Variants in LIN52 observed in about 807,000 individuals in gnomAD.
The protein encoded by LIN52 is lin-52 DREAM MuvB core complex component, also known as protein lin-52 homolog.
A neutral mutation model predicts 18.5 loss-of-function variants in LIN52; 4 were observed. The observed-to-expected ratio is 0.22, with a 90% CI of 0.11 to 0.49. LIN52 has a LOEUF of 0.49. Among genes scored for constraint, LIN52 ranks in the 20% least tolerant of loss-of-function variants. LIN52 has a pLI of 0.97. For missense variants in LIN52, 102 were observed against 139.5 expected (o/e 0.73, Z 1.35); for synonymous variants, 34 against 45.5 (o/e 0.75, Z 1.02).
At chr14:74,091,773 CAAAAAAAA>C (rs573705378) in intron 2 of LIN52, among the ~76,000 whole-genome samples, 2 of 65,304 alleles carry the variant, frequency 3.1e-5, no homozygotes, top group Admixed American at 1.9e-4. Context: ...GACTCTGTCT[CAAAAAAAA>C]AAAAAAAAAA....
intron 2 of LIN52, among the ~76,000 whole-genome samples, chr14:74,091,898 GT>G (rs2060774633): frequency 6.6e-6 from 1 of 151,950 alleles, no homozygotes; most frequent in African/African-American, 2.4e-5. Flanking sequence ...TTGAAGTCCA[GT>G]GTTAAGAATA....
chr14:74,130,278 GTTT>G (rs71460958), intron 5 of LIN52, among the ~76,000 whole-genome samples: 1 of 64,840 alleles, frequency 1.5e-5, no homozygotes, highest in Non-Finnish European at 2.8e-5. Flanking sequence ...GCATTTTTTG[GTTT>G]TTTTTTTTTT....
chr14:74,102,543 G>T (rs2060865421), intron 5 of LIN52, among the ~76,000 whole-genome samples: 1 of 152,196 alleles, frequency 6.6e-6, no homozygotes, highest in Non-Finnish European at 1.5e-5. Context: ...TACCATGTAT[G>T]TCATGGACCT....
intron 5 of LIN52, among the ~76,000 whole-genome samples, chr14:74,174,216 G>A (rs1408424702): frequency 6.6e-6 from 1 of 152,106 alleles, no homozygotes; most frequent in Non-Finnish European, 1.5e-5. Context: ...CTTAACTCTG[G>A]GGATATGTTC....
chr14:74,125,154 G>T (rs2061021556), intron 5 of LIN52, among the ~76,000 whole-genome samples: 1 of 152,098 alleles, frequency 6.6e-6, no homozygotes. Context: ...TGGGTCAAAT[G>T]GTATTTCTAG....
chr14:74,131,856 G>A (rs899214068), intron 5 of LIN52, among the ~76,000 whole-genome samples: 1 of 152,184 alleles, frequency 6.6e-6, no homozygotes, highest in African/African-American at 2.4e-5. Context: ...GGGCCAACTA[G>A]TAATTTAGTG....
chr14:74,197,939 C>T (rs2139600996), intron 5 of LIN52, among the ~76,000 whole-genome samples: 1 of 152,312 alleles, frequency 6.6e-6, no homozygotes, highest in Non-Finnish European at 1.5e-5. Context: ...GCCTCCCTAG[C>T]CACCTCACTT....
chr14:74,103,174 G>A (rs925572151), intron 5 of LIN52, among the ~76,000 whole-genome samples: 4 of 152,114 alleles, frequency 2.6e-5, no homozygotes, highest in Non-Finnish European at 5.9e-5. Flanking sequence ...CATCTCTTGG[G>A]TTCAAGTGAT....
At chr14:74,112,396 C>T (rs1359260950) in intron 5 of LIN52, among the ~76,000 whole-genome samples, 1 of 151,914 alleles carries the variant, frequency 6.6e-6, no homozygotes, top group Non-Finnish European at 1.5e-5. Context: ...CAACCTCTGC[C>T]TCCGGTTCAA....
intron 5 of LIN52, among the ~76,000 whole-genome samples, chr14:74,173,631 T>C (rs988953134): frequency 6.6e-6 from 1 of 152,240 alleles, no homozygotes; most frequent in African/African-American, 2.4e-5. Context: ...GTATCCTGAC[T>C]TCCTAGCATG....
Position 74,199,238 on chromosome 14 carries a change from T to G in LIN52, c.*261T>G, listed in dbSNP as rs1474228301. The stretch of plus-strand genomic sequence containing the variant: ...CTTAGCCTCGGATATTGGTAACAGC[T>G]GAGGGCATATCATTCTTAAAGGTCG... On this transcript the variant is annotated 3_prime_UTR_variant, in exon 6 of 6. Coordinates refer to ENST00000555028, the MANE Select transcript of LIN52 (RefSeq NM_001024674.3). The G allele has an allele frequency of 2.8e-6, 1 of 362,598 alleles. No individual in the cohort carries two copies. The highest frequency in any genetic ancestry group is 2.1e-5 in the African/African-American group (1 of 47,816). 22.5% of individuals were successfully genotyped at this position (362,598 alleles called of 1,614,324 possible). A position where few individuals can be genotyped will look rare whatever the true frequency, so the allele number is the denominator to read the frequency against.
chr14:74,181,611 T>C (rs1441793155), intron 5 of LIN52, among the ~76,000 whole-genome samples: 1 of 151,474 alleles, frequency 6.6e-6, no homozygotes, highest in African/African-American at 2.4e-5. Flanking sequence ...ATTTACTATA[T>C]GTTAACCATA....
At chr14:74,144,308 G>T (rs1384152865) in intron 5 of LIN52, among the ~76,000 whole-genome samples, 2 of 151,610 alleles carry the variant, frequency 1.3e-5, no homozygotes, top group African/African-American at 4.8e-5. Flanking sequence ...GAGCCATGGG[G>T]GTTGGGAGGG....
At chr14:74,111,966 C>T (rs572739445) in intron 5 of LIN52, among the ~76,000 whole-genome samples, 44 of 151,520 alleles carry the variant, frequency 2.9e-4, no homozygotes, top group African/African-American at 1.0e-3. Flanking sequence ...CCGCAACCTC[C>T]GCCTCCGTGG....
At chr14:74,126,068 T>C (rs1595165970) in intron 5 of LIN52, among the ~76,000 whole-genome samples, 1 of 149,756 alleles carries the variant, frequency 6.7e-6, no homozygotes, top group Non-Finnish European at 1.5e-5. Context: ...GCAAAGGACT[T>C]GACTAGACAT....
At chr14:74,184,637 A>T (rs1312059726) in intron 5 of LIN52, among the ~76,000 whole-genome samples, 1 of 152,216 alleles carries the variant, frequency 6.6e-6, no homozygotes, top group African/African-American at 2.4e-5. Context: ...GGTAATGATA[A>T]TAACATTTAT....
At chr14:74,159,951 GT>G (rs2061217237) in intron 5 of LIN52, among the ~76,000 whole-genome samples, 1 of 152,132 alleles carries the variant, frequency 6.6e-6, no homozygotes, top group Admixed American at 6.5e-5. Flanking sequence ...ATGAAATTGT[GT>G]TTGTGTGTGT....
chr14:74,094,831 A>G (rs1595146284), intron 2 of LIN52, among the ~76,000 whole-genome samples: 1 of 150,746 alleles, frequency 6.6e-6, no homozygotes, highest in Non-Finnish European at 1.5e-5. Flanking sequence ...GGGTTCAAGC[A>G]ATTCTCCTGC....
chr14:74,162,056 A>C (rs1429428282), intron 5 of LIN52, among the ~76,000 whole-genome samples: 2 of 152,112 alleles, frequency 1.3e-5, no homozygotes, highest in African/African-American at 2.4e-5. Flanking sequence ...CAGTGAGTAA[A>C]ATTTTTGTGT....
Sources: allele counts gnomAD v4.1 joint callset (sites outside exome capture counted in the v4.1 genomes callset), GRCh38; gene constraint gnomAD v4.1.1; transcripts MANE v1.5; gene names NCBI Gene and HGNC (gene_info 2026-07-23, HGNC 2026-07-21).